HMOX2: variants seen among roughly 807,000 people sequenced by gnomAD.
HMOX2 encodes the protein heme oxygenase 2.
HMOX2 carries 30 observed loss-of-function variants against 33.7 expected under a neutral mutation model. The observed-to-expected ratio is 0.89, with a 90% CI of 0.67 to 1.21. The LOEUF (loss-of-function observed/expected upper bound fraction) is 1.21. HMOX2 is among the 50% of genes most tolerant of loss of function. The pLI is 0.00. For missense variants in HMOX2, 403 were observed against 399.1 expected, an observed-to-expected ratio of 1.01 and a Z score of -0.08; for synonymous variants, 155 against 155.0, an observed-to-expected ratio of 1.00 and a Z score of 0.00.
In HMOX2 at chr16:4,495,154, C is replaced by T. The variant is rs565328070; in HGVS notation, c.-41-10330C>T. Among the ~76,000 whole-genome samples, 3 of 152,302 alleles carry T rather than the reference C, an allele frequency of 2.0e-5. No individual in the cohort carries two copies. The East Asian group carries it at 5.8e-4, about 29-fold the overall frequency. The stretch of plus-strand genomic sequence containing the variant: ...CCTATGGGACGTTGTCATTCATGTG[C>T]AAATCAGGCCCTATATACTAAGGGA... On this transcript the variant is annotated intron_variant, in intron 1 of 5. Coordinates refer to ENST00000570646, the MANE Select transcript of HMOX2 (RefSeq NM_002134.4).
chr16:4,490,726 C>T (rs1361856150), intron 1 of HMOX2, among the ~76,000 whole-genome samples: 1 of 152,148 alleles, frequency 6.6e-6, no homozygotes, highest in Non-Finnish European at 1.5e-5. Context: ...AATTCAGTTT[C>T]CTCAGAAATC....
intron 1 of HMOX2, among the ~76,000 whole-genome samples, chr16:4,499,575 G>T (rs1486133479): frequency 2.0e-5 from 3 of 152,134 alleles, no homozygotes; most frequent in African/African-American, 7.2e-5. Context: ...GAGAAATAAG[G>T]TCTGATGATC....
Position 4,509,901 on chromosome 16 carries a change from G to C in HMOX2, c.*145G>C. The stretch of plus-strand genomic sequence containing the variant: ...GGCAACCAATAAAAGCCAGATGCTA[G>C]AGCCTCTGCCTGACAGCATCCTCTC... On this transcript the variant is annotated 3_prime_UTR_variant, in exon 6 of 6. Transcript: ENST00000570646. 4 of 867,700 alleles carry C rather than the reference G, an allele frequency of 4.6e-6. No individual in the cohort carries two copies. Among genetic ancestry groups the C allele is most frequent in the South Asian group, 3.5e-5 (2 of 57,892 alleles). The allele number at this position is 867,700 out of a possible 1,614,324, so 53.8% of individuals were successfully genotyped here.
rs934928731 is a variant in HMOX2 at position 4,507,734 on chromosome 16, T to G, written c.226T>G (p.Phe76Val). 1.9e-6 allele frequency: 3 copies of G among 1,614,120 alleles called. No individual in the cohort carries two copies. The South Asian group carries it at 3.3e-5, about 18-fold the overall frequency. The change falls in exon 4 of 6, where the codon TTC becomes GTC. Residue 76 changes from phenylalanine (F) to valine (V), a missense_variant. Phe to Val is a conservative substitution (Grantham distance 50, BLOSUM62 -1). Transcript: ENST00000570646. ...ACAGCTGGCCACCACGGCACTTTAC[T>G]TCACATACTCAGCCCTCGAGGAGGA... ...LFKLATTALY[F>V]TYSALEEEME...
chr16:4,481,793 G>C (rs2141517099), intron 1 of HMOX2: 1 of 152,294 alleles, frequency 6.6e-6, no homozygotes, highest in East Asian at 1.9e-4. Flanking sequence ...ATCTTCAGTA[G>C]TTACTTGATC....
At chr16:4,480,726 C>T (rs1191001145) in intron 1 of HMOX2, among the ~76,000 whole-genome samples, 1 of 146,542 alleles carries the variant, frequency 6.8e-6, no homozygotes, top group Non-Finnish European at 1.5e-5. Context: ...GACCTTGGTT[C>T]ACTGCAACTT....
intron 1 of HMOX2, among the ~76,000 whole-genome samples, chr16:4,480,712 G>GTGTGA (rs1370173291): frequency 6.7e-6 from 1 of 150,216 alleles, no homozygotes; most frequent in Non-Finnish European, 1.5e-5. Context: ...GAGTGCAGTG[G>GTGTGA]TGTGACCTTG....
rs1279106304 is a variant in HMOX2 at position 4,507,943 on chromosome 16, G to C, written c.435G>C (p.Glu145Asp). The part of the protein sequence containing the change: ...VERIHYIGQN[E>D]PELLVAHAYT... ...GGATCCACTACATAGGGCAGAACGA[G>C]CCGGAGCTACTGGTGGCCCATGCAT... The change falls in exon 4 of 6, where the codon GAG becomes GAC. Residue 145 changes from glutamate to aspartate, a missense_variant. Transcript: ENST00000570646. 6.2e-7 allele frequency: 1 copy of C among 1,614,010 alleles called. No individual in the cohort carries two copies. Among genetic ancestry groups the C allele is most frequent in the Admixed American group, 1.7e-5 (1 of 60,012 alleles).
rs761920849 is a variant in HMOX2, at chr16:4,506,884, T to C, written c.87-11T>C. 2 of 1,594,018 alleles carry C rather than the reference T, an allele frequency of 1.3e-6. No homozygotes were observed. Among genetic ancestry groups the C allele is most frequent in the Admixed American group, 1.7e-5 (1 of 59,974 alleles). ...CTAATTGACACACAAACACCTCCCA[T>C]CTCTCCACAGAATGGCTGACCTCTC... On this transcript the variant is annotated splice_polypyrimidine_tract_variant and intron_variant, in intron 2 of 5. Transcript: ENST00000570646.
chr16:4,501,707 A>G (rs552059555), intron 1 of HMOX2, among the ~76,000 whole-genome samples: 1 of 152,276 alleles, frequency 6.6e-6, no homozygotes, highest in Admixed American at 6.5e-5. Context: ...AAGAGCATTC[A>G]AGTATAGAAA....
chr16:4,486,651 C>T (rs988004905), intron 1 of HMOX2, among the ~76,000 whole-genome samples: 3 of 152,182 alleles, frequency 2.0e-5, no homozygotes, highest in African/African-American at 7.2e-5. Context: ...CAGGTCAGGT[C>T]TGGGAACAGT....
chr16:4,482,579 A>C (rs2058058100), intron 1 of HMOX2, among the ~76,000 whole-genome samples: 1 of 152,204 alleles, frequency 6.6e-6, no homozygotes, highest in South Asian at 2.1e-4. Context: ...CACTAGTCAC[A>C]AGTAGTAAAT....
chr16:4,508,548 C>T lies in HMOX2; in HGVS notation c.696+344C>T, dbSNP rs530913597. ...CTTTTCAAGTTTTGCTCTGAGAAGC[C>T]CTGCTTTATAAGTTAATAGAGAGCC... On this transcript the variant is annotated intron_variant, in intron 4 of 5. Coordinates refer to ENST00000570646, the MANE Select transcript of HMOX2 (RefSeq NM_002134.4). 1.3e-4 allele frequency among the ~76,000 whole-genome samples: 20 copies of T among 152,194 alleles called. No individual in the cohort carries two copies. In the South Asian group the frequency reaches 3.7e-3, roughly 28 times the overall value.
chr16:4,492,988 AG>A (rs2058339745), intron 1 of HMOX2, among the ~76,000 whole-genome samples: 1 of 152,142 alleles, frequency 6.6e-6, no homozygotes, highest in Non-Finnish European at 1.5e-5. Flanking sequence ...AGGAAATATT[AG>A]GGGACATTTG....
chr16:4,494,658 C>A (rs17881977), intron 1 of HMOX2, among the ~76,000 whole-genome samples: 1 of 151,410 alleles, frequency 6.6e-6, no homozygotes, highest in Non-Finnish European at 1.5e-5. Flanking sequence ...GCAGGCAGAT[C>A]GCTTGAGTCC....
intron 1 of HMOX2, among the ~76,000 whole-genome samples, chr16:4,485,316 C>T (rs1202125725): frequency 6.6e-6 from 1 of 152,062 alleles, no homozygotes; most frequent in Non-Finnish European, 1.5e-5. Context: ...TGATGCAGAG[C>T]CCATGGATAT....
Position 4,510,037 on chromosome 16 carries a change from C to T in HMOX2, c.*281C>T. On this transcript the variant is annotated 3_prime_UTR_variant, in exon 6 of 6. Transcript: ENST00000570646. Reference sequence around the variant, plus strand: ...TACTCCAGGCTTCCACACTTCTGGGCCCTAGGCTGCTTCCGGTAGTCCCTG... The same window carrying T: ...TACTCCAGGCTTCCACACTTCTGGGTCCTAGGCTGCTTCCGGTAGTCCCTG... 2.1e-6 allele frequency: 1 copy of T among 480,860 alleles called. No individual in the cohort carries two copies. Among genetic ancestry groups the T allele is most frequent in the South Asian group, 3.2e-5 (1 of 31,712 alleles). 29.8% of individuals were successfully genotyped at this position (480,860 alleles called of 1,614,324 possible). A position where few individuals can be genotyped will look rare whatever the true frequency, so the allele number is the denominator to read the frequency against.
chr16:4,481,698 A>T (rs1213649309), intron 1 of HMOX2: 1 of 152,170 alleles, frequency 6.6e-6, no homozygotes, highest in Non-Finnish European at 1.5e-5. Context: ...GCAAGATCTT[A>T]TCTTTCTTTG....
chr16:4,494,705 C>T (rs888151394), intron 1 of HMOX2, among the ~76,000 whole-genome samples: 2 of 152,048 alleles, frequency 1.3e-5, no homozygotes, highest in African/African-American at 2.4e-5. Context: ...ATGGTGAAAC[C>T]CTGTCTTTAC....
Sources: gnomAD v4.1 joint callset for allele counts (sites outside exome capture counted in the v4.1 genomes callset) on GRCh38, gnomAD v4.1.1 for gene constraint, MANE v1.5 for transcripts, NCBI Gene and HGNC (gene_info 2026-07-23, HGNC 2026-07-21) for gene names.